EFTUD2: variants seen among roughly 807,000 people sequenced by gnomAD.
EFTUD2 encodes 116 kDa U5 small nuclear ribonucleoprotein component.
Under a neutral mutation model 114.3 loss-of-function variants are expected in EFTUD2, and 9 were observed. The ratio of observed to expected loss-of-function variants is 0.08; its 90% CI spans 0.05 to 0.14. The LOEUF is 0.14. EFTUD2 is among the 10% of genes least tolerant of loss of function. EFTUD2 has a pLI of 1.00. For synonymous variants in EFTUD2, 449 were observed against 462.3 expected (o/e 0.97, Z 0.37); for missense variants, 765 against 1,241.2 (o/e 0.62, Z 5.76).
At chr17:44,852,270 G>T in intron 26 of EFTUD2, 139 bp downstream of exon 26, 2 of 1,056,112 alleles carry the variant, frequency 1.9e-6, no homozygotes, top group Non-Finnish European at 2.7e-6. Flanking sequence ...AAGTTGCCCT[G>T]AATATATGCT....
intron 11 of EFTUD2, among the ~76,000 whole-genome samples, chr17:44,871,780 C>A (rs973932164): frequency 2.6e-5 from 4 of 152,202 alleles, no homozygotes; most frequent in Non-Finnish European, 5.9e-5. Context: ...TCTCACGGAG[C>A]CTGTCTGCTC....
Position 44,850,703 on chromosome 17 carries a change from T to A in EFTUD2, c.*571A>T. On this transcript the variant is annotated 3_prime_UTR_variant, in exon 28 of 28. Transcript: ENST00000426333. ...TCTTAGGTTCCACCCAGAAGCAGCA[T>A]GGAGTGGGAGCAAGGGGGCAATAAT... 3.4e-6 allele frequency: 1 copy of A among 295,402 alleles called. No individual in the cohort carries two copies. The highest frequency in any genetic ancestry group is 6.5e-6 in the Non-Finnish European group (1 of 153,492). 18.3% of individuals were successfully genotyped at this position (295,402 alleles called of 1,614,324 possible). A position where few individuals can be genotyped will look rare whatever the true frequency, so the allele number is the denominator to read the frequency against.
chr17:44,881,593 A>C (rs2051073906), intron 7 of EFTUD2, 94 bp downstream of exon 7: 1 of 1,337,906 alleles, frequency 7.5e-7, no homozygotes, highest in Non-Finnish European at 1.1e-6. Context: ...ATATGAACTA[A>C]AATGCTATCA....
chr17:44,896,340 A>C (rs2051384441), intron 1 of EFTUD2, among the ~76,000 whole-genome samples: 1 of 152,202 alleles, frequency 6.6e-6, no homozygotes, highest in African/African-American at 2.4e-5. Flanking sequence ...ATCAGTATTT[A>C]ATTTTGTCTT....
chr17:44,880,255 C>T (rs2051048272), intron 8 of EFTUD2, among the ~76,000 whole-genome samples: 1 of 152,170 alleles, frequency 6.6e-6, no homozygotes, highest in Non-Finnish European at 1.5e-5. Flanking sequence ...CTCTGACTCA[C>T]CTTTAGCTCC....
chr17:44,892,631 CTT>C (rs967860195), intron 2 of EFTUD2, among the ~76,000 whole-genome samples: 12 of 101,384 alleles, frequency 1.2e-4, no homozygotes, highest in African/African-American at 2.0e-4. Context: ...ACTGTAAAAC[CTT>C]TTTTTTTTTT....
At chr17:44,874,406 G>A (rs2050910129) in intron 10 of EFTUD2, among the ~76,000 whole-genome samples, 2 of 152,098 alleles carry the variant, frequency 1.3e-5, no homozygotes. Context: ...CTGGGCTCTA[G>A]TCATTCTCAG....
chr17:44,876,370 G>A (rs909336590), intron 9 of EFTUD2, among the ~76,000 whole-genome samples: 11 of 152,176 alleles, frequency 7.2e-5, no homozygotes, highest in African/African-American at 2.7e-4. Flanking sequence ...AACTAAGAAG[G>A]CTGGGAAGAG....
Position 44,872,556 on chromosome 17 carries a change from T to A in EFTUD2, c.884A>T (p.Asp295Val). The A allele has an allele frequency of 1.2e-6, 2 of 1,611,252 alleles. No homozygotes were observed. The highest frequency in any genetic ancestry group is 1.7e-6 in the Non-Finnish European group (2 of 1,178,298). ...VNGLISMYST[D>V]ENLILSPLLG... is the part of the protein sequence containing the mutation. ...GAGTGGGGAAAGGATCAGGTTCTCA[T>A]CAGTGGAATACATGCTGAAACAGAG... The change falls in exon 11 of 28, where the codon GAT (aspartate) becomes GTT (valine). Residue 295 changes from aspartate (D) to valine (V), a missense_variant. Physicochemically the swap from Asp to Val is radical, Grantham distance 152. This residue lies in a region of EFTUD2 where 251 missense variants were observed against 357.7 expected (regional missense o/e 0.70). Coordinates refer to ENST00000426333, the MANE Select transcript of EFTUD2 (RefSeq NM_004247.4).
At chr17:44,877,911 C>G (rs140884962) in intron 9 of EFTUD2, among the ~76,000 whole-genome samples, 2 of 151,754 alleles carry the variant, frequency 1.3e-5, no homozygotes, top group East Asian at 3.9e-4. Flanking sequence ...GTGGGCAGAT[C>G]ACTTGAGGTC....
At chr17:44,868,569 AAC>A in intron 11 of EFTUD2, 1 of 518,990 alleles carries the variant, frequency 1.9e-6, no homozygotes, top group Non-Finnish European at 3.4e-6. Context: ...CCAAAATGAG[AAC>A]CCAAGCCTCT....
At position 44,850,461 on chromosome 17, in the gene EFTUD2, G is replaced by C. The variant is rs1479507410; in HGVS notation, c.*813C>G. On this transcript the variant is annotated 3_prime_UTR_variant, in exon 28 of 28. Transcript: ENST00000426333. Reference sequence around the variant, plus strand: ...CAATCCCTGGTACATTCCTAATAAAGCAGTTTTGAGGAAAATCAACAGACT... The same window carrying C: ...CAATCCCTGGTACATTCCTAATAAACCAGTTTTGAGGAAAATCAACAGACT... 25 of 1,227,914 alleles carry C rather than the reference G, an allele frequency of 2.0e-5. No individual in the cohort carries two copies. In the Admixed American group the frequency reaches 2.3e-4, roughly 11 times the overall value. 76.1% of individuals were successfully genotyped at this position (1,227,914 alleles called of 1,614,324 possible).
In EFTUD2 at chr17:44,850,348, G is replaced by A; in HGVS notation, c.*926C>T. 1.2e-6 allele frequency: 2 copies of A among 1,613,178 alleles called. No homozygotes were observed. The highest frequency in any genetic ancestry group is 1.1e-5 in the South Asian group (1 of 90,778). On this transcript the variant is annotated 3_prime_UTR_variant, in exon 28 of 28. Coordinates refer to ENST00000426333, the MANE Select transcript of EFTUD2 (RefSeq NM_004247.4). The stretch of plus-strand genomic sequence containing the variant: ...CTCACACAGGTGCTGTGTACACAAT[G>A]TACAGCGATTACGTCAAGAGGATGG...
At chr17:44,859,010 G>A in intron 19 of EFTUD2, 70 bp downstream of exon 19, 2 of 1,012,154 alleles carry the variant, frequency 2.0e-6, no homozygotes, top group Non-Finnish European at 3.2e-6. Context: ...AGCTTCCCAG[G>A]AATTCAAGGA....
At chr17:44,882,555 G>C (rs55782331) in intron 6 of EFTUD2, among the ~76,000 whole-genome samples, 8,980 of 152,218 alleles carry the variant, frequency 0.059, 313 homozygotes, top group Non-Finnish European at 0.08. Flanking sequence ...CACTCTTTTT[G>C]AGTTGGGGGA....
intron 1 of EFTUD2, among the ~76,000 whole-genome samples, chr17:44,894,842 G>A (rs925325541): frequency 6.6e-6 from 1 of 152,214 alleles, no homozygotes; most frequent in Non-Finnish European, 1.5e-5. Context: ...GGGCGTGGGG[G>A]GCGCTCCAAA....
chr17:44,889,194 T>A lies in EFTUD2; in HGVS notation c.106-2444A>T, dbSNP rs188366835. Among the ~76,000 whole-genome samples, 28 of 152,226 alleles carry A rather than the reference T, an allele frequency of 1.8e-4. No individual in the cohort carries two copies. In the East Asian group the frequency reaches 2.1e-3, roughly 12 times the overall value. ...CAGGCAGGTCATGTGGGCTGAGGAC[T>A]GGGAACTGACCTTGGGATTTCGCAA... On this transcript the variant is annotated intron_variant, in intron 2 of 27. Transcript: ENST00000426333.
Position 44,880,606 on chromosome 17 carries a change from G to A in EFTUD2, c.567C>T (p.Val189=), listed in dbSNP as rs561440520. Residue 189 remains valine, a synonymous_variant, in exon 8 of 28, where the codon GTC becomes GTT. Transcript: ENST00000426333. ...AAGATTTTCCTTTGGTGTCTGGCAA[G>A]ACCACTGTCACAGGAGTGCTTTTGA... ...VGIKSTPVTV[V]LPDTKGKSYL... The A allele has an allele frequency of 1.2e-6, 2 of 1,613,746 alleles. No individual in the cohort carries two copies. The highest frequency in any genetic ancestry group is 3.3e-5 in the Admixed American group (2 of 60,014).
intron 1 of EFTUD2, among the ~76,000 whole-genome samples, chr17:44,896,601 CGCACCACT>C (rs893071750): frequency 3.7e-4 from 57 of 152,178 alleles, no homozygotes; most frequent in African/African-American, 1.2e-3. Flanking sequence ...GAGCTGAGAT[CGCACCACT>C]GCACTTCAGC....
Sources: gnomAD v4.1 joint callset for allele counts (sites outside exome capture counted in the v4.1 genomes callset) on GRCh38, gnomAD v4.1.1 for gene constraint, gnomAD v4.1.1 regional missense constraint, MANE v1.5 for transcripts, NCBI Gene and HGNC (gene_info 2026-07-23, HGNC 2026-07-21) for gene names.